The following NOTCH2 variants were observed in gnomAD, a reference collection of about 807,000 sequenced individuals.
NOTCH2 encodes notch receptor 2.
In NOTCH2, 29 loss-of-function variants were observed where a neutral mutation model predicts 235.8. The ratio of observed to expected loss-of-function variants is 0.12; its 90% CI spans 0.09 to 0.17. The LOEUF (loss-of-function observed/expected upper bound fraction) is 0.17. Among genes scored for constraint, NOTCH2 ranks in the 10% least tolerant of loss-of-function variants. The pLI is 1.00. For missense variants in NOTCH2, 2,285 were observed against 3,150.2 expected (o/e 0.73, Z 6.57); for synonymous variants, 1,086 against 1,141.5 (o/e 0.95, Z 0.98).
intron 4 of NOTCH2, 78 bp downstream of exon 4, chr1:119,996,919 A>C (rs1570728055): frequency 1.3e-6 from 2 of 1,551,816 alleles, no homozygotes; most frequent in African/African-American, 2.7e-5. Flanking sequence ...CTTCCTAAAA[A>C]CAGCAATTGA....
chr1:119,954,992 G>A (rs1553198221), intron 13 of NOTCH2, 48 bp downstream of exon 13: 5 of 1,598,630 alleles, frequency 3.1e-6, no homozygotes, highest in South Asian at 2.2e-5. Flanking sequence ...CAAGCCAACT[G>A]GCTTAACACA....
intron 14 of NOTCH2, among the ~76,000 whole-genome samples, chr1:119,952,769 C>T (rs1650531194): frequency 6.6e-6 from 1 of 152,176 alleles, no homozygotes; most frequent in Non-Finnish European, 1.5e-5. Context: ...TTGAGGACCT[C>T]CGGTGTAGAC....
At chr1:119,970,889 T>C (rs1553200299) in intron 5 of NOTCH2, among the ~76,000 whole-genome samples, 1 of 152,214 alleles carries the variant, frequency 6.6e-6, no homozygotes, top group African/African-American at 2.4e-5. Flanking sequence ...CATTCTTCCT[T>C]TGTAAATAAA....
At chr1:119,983,654 C>A (rs1651902600) in intron 5 of NOTCH2, among the ~76,000 whole-genome samples, 1 of 151,932 alleles carries the variant, frequency 6.6e-6, no homozygotes, top group Non-Finnish European at 1.5e-5. Context: ...TTTCAATATC[C>A]CAAGAAAGAG....
In NOTCH2 at chr1:119,963,773, G is replaced by T; in HGVS notation, c.1716C>A (p.Asp572Glu). 6.2e-7 allele frequency: 1 copy of T among 1,614,126 alleles called. No individual in the cohort carries two copies. Among genetic ancestry groups the T allele is most frequent in the Non-Finnish European group, 8.5e-7 (1 of 1,179,984 alleles). Residue 572 changes from aspartate (D) to glutamate (E), a missense_variant, in exon 11 of 34, where the codon GAC becomes GAA. Transcript: ENST00000256646. Reference protein sequence around the residue: ...FTGVLCEENIDNCDPDPCHHG... With the variant: ...FTGVLCEENIENCDPDPCHHG... ...GGTGGCAAGGATCGGGGTCACAGTT[G>T]TCAATGTTCTCCTCACACAACACAC...
intron 5 of NOTCH2, among the ~76,000 whole-genome samples, chr1:119,982,229 G>C (rs1038730365): frequency 4.6e-5 from 7 of 152,190 alleles, no homozygotes; most frequent in African/African-American, 1.7e-4. Flanking sequence ...AGAAAGTGTG[G>C]TCAGTTTTCT....
At chr1:119,973,152 A>T (rs1651432794) in intron 5 of NOTCH2, among the ~76,000 whole-genome samples, 1 of 152,200 alleles carries the variant, frequency 6.6e-6, no homozygotes, top group Non-Finnish European at 1.5e-5. Context: ...GCTTATAAGT[A>T]ATTAGCTACT....
rs1184683721 is a variant in NOTCH2 at position 120,036,912 on chromosome 1, A to T, written c.74-6925T>A. On this transcript the variant is annotated intron_variant, in intron 1 of 33. Transcript: ENST00000256646. The stretch of plus-strand genomic sequence containing the variant: ...TTCCAATGCTTTTCACTATCATACC[A>T]GCTACATATCACTGGCTTAAAAGCC... Among the ~76,000 whole-genome samples, 5 of 152,352 alleles carry T rather than the reference A, an allele frequency of 3.3e-5. No individual in the cohort carries two copies. The South Asian group carries it at 8.3e-4, about 25-fold the overall frequency.
chr1:119,938,148 C>T (rs1206046775), intron 19 of NOTCH2, 138 bp from the exon 20 acceptor site: 2 of 913,878 alleles, frequency 2.2e-6, no homozygotes, highest in East Asian at 2.6e-5. Flanking sequence ...GTAAAAGAGC[C>T]CTTAAACTAG....
At chr1:119,965,363 C>A in intron 10 of NOTCH2, 90 bp downstream of exon 10, 2 of 1,043,886 alleles carry the variant, frequency 1.9e-6, no homozygotes, top group South Asian at 2.5e-5. Flanking sequence ...GTGGACTGGC[C>A]TGGCACAGCA....
chr1:119,915,943 T>C lies in NOTCH2; in HGVS notation c.6779A>G (p.Asn2260Ser). 6.2e-7 allele frequency: 1 copy of C among 1,614,168 alleles called. No individual in the cohort carries two copies. ...AAACATCTCATTGTACTGGGTCTCA[T>C]TCACCTCCATGCGGTTCATCCAATC... The part of the protein sequence containing the change: ...PADWMNRMEV[N>S]ETQYNEMFGM... Residue 2260 changes from asparagine to serine, a missense_variant, in exon 34 of 34, where the codon AAT (asparagine) becomes AGT (serine). Around this residue, in one of 6 missense-constraint regions of NOTCH2, gnomAD observed 504 missense variants for 538.0 expected, o/e 0.94. Transcript: ENST00000256646.
chr1:119,982,075 C>A (rs909436404), intron 5 of NOTCH2, among the ~76,000 whole-genome samples: 1 of 152,156 alleles, frequency 6.6e-6, no homozygotes, highest in Non-Finnish European at 1.5e-5. Context: ...AATCTCCATT[C>A]CCAGACACAA....
Position 119,923,708 on chromosome 1 carries a change from C to T in NOTCH2, c.4788G>A (p.Lys1596=). The T allele has an allele frequency of 6.2e-7, 1 of 1,614,220 alleles. No individual in the cohort carries two copies. Among genetic ancestry groups the T allele is most frequent in the Non-Finnish European group, 8.5e-7 (1 of 1,180,042 alleles). The change falls in exon 26 of 34, where the codon AAG becomes AAA. Residue 1596 remains lysine (K), a synonymous_variant. Transcript: ENST00000256646. Reference sequence around the variant, plus strand: ...TCCTCTGTTTCTTCATAGCAGCTGACTTCTCACCATAATAGGGGTACACCA... The same window carrying T: ...TCCTCTGTTTCTTCATAGCAGCTGATTTCTCACCATAATAGGGGTACACCA... ...ELMVYPYYGE[K]SAAMKKQRMT...
intron 24 of NOTCH2, 91 bp from the exon 25 acceptor site, chr1:119,925,901 C>A (rs2101163611): frequency 6.9e-7 from 1 of 1,441,796 alleles, no homozygotes; most frequent in Non-Finnish European, 9.6e-7. Flanking sequence ...CCACATCTCA[C>A]TCCCTTCTGT....
intron 2 of NOTCH2, among the ~76,000 whole-genome samples, chr1:120,009,132 A>G (rs1397976484): frequency 1.3e-5 from 2 of 152,232 alleles, no homozygotes; most frequent in Non-Finnish European, 2.9e-5. Flanking sequence ...CATAACACAG[A>G]GAGCAGCCCT....
intron 33 of NOTCH2, 69 bp from the exon 34 acceptor site, chr1:119,916,763 C>G: frequency 6.8e-7 from 1 of 1,480,740 alleles, no homozygotes; most frequent in Non-Finnish European, 9.3e-7. Context: ...TTTTCTCAAT[C>G]TTTTTTATTA....
chr1:119,958,162 T>C (rs1337954981), intron 12 of NOTCH2, among the ~76,000 whole-genome samples: 1 of 152,216 alleles, frequency 6.6e-6, no homozygotes, highest in African/African-American at 2.4e-5. Context: ...TTTTTGTGTA[T>C]TCACTCGACT....
chr1:119,920,807 G>A (rs587665366), intron 29 of NOTCH2, among the ~76,000 whole-genome samples: 3 of 152,326 alleles, frequency 2.0e-5, no homozygotes, highest in East Asian at 1.9e-4. Flanking sequence ...CCACAAGGCT[G>A]TAAGCTTCTC....
Position 119,950,867 on chromosome 1 carries a change from GTAAAACTTT to G in NOTCH2, c.2366-39_2366-31del, listed in dbSNP as rs781758475. 125 of 1,403,442 alleles carry G rather than the reference GTAAAACTTT, an allele frequency of 8.9e-5. 1 individual carries two copies. Among genetic ancestry groups the G allele is most frequent in the Non-Finnish European group, 1.1e-4 (112 of 987,986 alleles). 86.9% of individuals were successfully genotyped at this position (1,403,442 alleles called of 1,614,324 possible). A position where few individuals can be genotyped will look rare whatever the true frequency, so the allele number is the denominator to read the frequency against. On this transcript the variant is annotated intron_variant, in intron 14 of 33. Coordinates refer to ENST00000256646, the MANE Select transcript of NOTCH2 (RefSeq NM_024408.4). ...AGACAAAAGGAAAAAACCAAAAACA[GTAAAACTTT>G]CTGACAGCCTCATCAATTTCTAACC...
Sources: gnomAD v4.1 joint callset for allele counts (sites outside exome capture counted in the v4.1 genomes callset) on GRCh38, gnomAD v4.1.1 for gene constraint, gnomAD v4.1.1 regional missense constraint, MANE v1.5 for transcripts, NCBI Gene and HGNC (gene_info 2026-07-23, HGNC 2026-07-21) for gene names.